The following PLEKHA6 variants were observed in gnomAD, a reference collection of about 807,000 sequenced individuals.
The protein encoded by PLEKHA6 is pleckstrin homology domain-containing family A member 6.
PLEKHA6 carries 60 observed loss-of-function variants against 116.7 expected under a neutral mutation model. The observed-to-expected ratio is 0.51, with a 90% CI of 0.42 to 0.64. The LOEUF (loss-of-function observed/expected upper bound fraction) is 0.64. PLEKHA6 is among the 30% of genes least tolerant of loss of function. The pLI, the probability that PLEKHA6 is intolerant of heterozygous loss-of-function variation, is 0.00. For missense variants in PLEKHA6, 1,338 were observed against 1,422.7 expected, an observed-to-expected ratio of 0.94 and a Z score of 0.96; for synonymous variants, 489 against 556.1, an observed-to-expected ratio of 0.88 and a Z score of 1.70.
rs1571929846 is a variant in PLEKHA6, at chr1:204,259,197, C to T, written c.1007+61G>A. On this transcript the variant is annotated intron_variant, in intron 8 of 22. Transcript: ENST00000272203. This position sits in a 1 kb window ranked among gnomAD's most constrained non-coding sequence, Gnocchi z 4.6. The stretch of plus-strand genomic sequence containing the variant: ...GGGGATGCCTCGTGGGCTATGACCC[C>T]ACTCGCACGCTCTAGCCATAATACC... 20 of 1,554,760 alleles carry T rather than the reference C, an allele frequency of 1.3e-5. No individual in the cohort carries two copies. Among genetic ancestry groups the T allele is most frequent in the Non-Finnish European group, 1.7e-5 (19 of 1,148,926 alleles).
At chr1:204,295,960 G>A (rs1043939984) in intron 1 of PLEKHA6, among the ~76,000 whole-genome samples, 4 of 152,158 alleles carry the variant, frequency 2.6e-5, no homozygotes, top group Non-Finnish European at 4.4e-5. Context: ...AACACACGTG[G>A]GAAGATGAGG....
chr1:204,331,199 C>CAAAA (rs5780231), intron 1 of PLEKHA6, among the ~76,000 whole-genome samples: 5 of 75,808 alleles, frequency 6.6e-5, no homozygotes, highest in African/African-American at 1.5e-4. Context: ...GACTCTGTCT[C>CAAAA]AAAAAAAAAA....
chr1:204,245,152 A>G (rs1237066010), intron 14 of PLEKHA6, 149 bp from the exon 15 acceptor site: 1 of 552,890 alleles, frequency 1.8e-6, no homozygotes, highest in African/African-American at 2.0e-5. Flanking sequence ...TGGGCCTGCC[A>G]AAGGGGCTCA....
intron 1 of PLEKHA6, among the ~76,000 whole-genome samples, chr1:204,344,178 G>A (rs1164929011): frequency 6.6e-6 from 1 of 152,180 alleles, no homozygotes; most frequent in South Asian, 2.1e-4. Context: ...GGGAAGAGTT[G>A]CAGAAAATAT....
chr1:204,230,559 C>T lies in PLEKHA6; in HGVS notation c.2437G>A (p.Gly813Ser). The change falls in exon 18 of 23, where the codon GGC becomes AGC. Residue 813 changes from glycine (G) to serine (S), a missense_variant. Gly to Ser is a moderately conservative substitution (Grantham distance 56, BLOSUM62 0). Transcript: ENST00000272203. The stretch of plus-strand genomic sequence containing the variant: ...ACGCTCATCTTGACCTTCCCCTCGC[C>T]AGGAAACACAGCACTCTTGGGGCGT... The part of the protein sequence containing the change: ...QERPKSAVFP[G>S]EGKVKMSVEE... 6.2e-7 allele frequency: 1 copy of T among 1,604,722 alleles called. No homozygotes were observed.
intron 3 of PLEKHA6, among the ~76,000 whole-genome samples, chr1:204,365,080 C>T (rs775890811): frequency 7.3e-5 from 11 of 151,304 alleles, no homozygotes; most frequent in Admixed American, 2.0e-4. Flanking sequence ...GAAAGGGAAG[C>T]GAATGTTGAG....
chr1:204,284,730 G>T (rs1350268146), intron 1 of PLEKHA6, among the ~76,000 whole-genome samples: 1 of 152,058 alleles, frequency 6.6e-6, no homozygotes. Flanking sequence ...CGTGTGGATT[G>T]TCCTTAAGGA....
At chr1:204,361,103 A>G (rs1572231837), upstream of PLEKHA6, among the ~76,000 whole-genome samples, 1 of 152,180 alleles carries the variant, frequency 6.6e-6, no homozygotes, top group East Asian at 1.9e-4. Context: ...ACTGAACCAG[A>G]TGAGCTTCTG....
intron 1 of PLEKHA6, among the ~76,000 whole-genome samples, chr1:204,315,735 T>C (rs1671833572): frequency 6.6e-6 from 1 of 152,158 alleles, no homozygotes; most frequent in African/African-American, 2.4e-5. Flanking sequence ...TGGATACAGA[T>C]AAAAGCAAAC....
chr1:204,244,458 C>G (rs1663351853), intron 15 of PLEKHA6, among the ~76,000 whole-genome samples: 1 of 152,086 alleles, frequency 6.6e-6, no homozygotes, highest in Non-Finnish European at 1.5e-5. Context: ...TCTAAGAGGG[C>G]CTCATGGTAC....
intron 1 of PLEKHA6, 118 bp from the exon 2 acceptor site, chr1:204,274,927 C>T (rs1367455777): frequency 1.0e-6 from 1 of 971,942 alleles, no homozygotes. Flanking sequence ...GAGCTTGTGC[C>T]TCTGTCCTCC....
At chr1:204,297,906 T>G in intron 1 of PLEKHA6, 1 of 985,172 alleles carries the variant, frequency 1.0e-6, no homozygotes, top group Non-Finnish European at 1.2e-6. Flanking sequence ...GAAGACGGCA[T>G]CTTGATCTAG....
chr1:204,255,525 A>G, intron 9 of PLEKHA6: 5 of 676,450 alleles, frequency 7.4e-6, no homozygotes, highest in Non-Finnish European at 5.4e-6. Flanking sequence ...GCTTGCACCA[A>G]CAAAGGTTGT....
intron 1 of PLEKHA6, among the ~76,000 whole-genome samples, chr1:204,372,457 G>A (rs1449398193): frequency 6.6e-6 from 1 of 152,148 alleles, no homozygotes; most frequent in East Asian, 1.9e-4. Context: ...GCTACTTCAG[G>A]TATGTGGAGG....
chr1:204,257,662 C>G lies in PLEKHA6; in HGVS notation c.1215G>C (p.Gln405His). The G allele has an allele frequency of 6.2e-7, 1 of 1,610,330 alleles. No homozygotes were observed. ...AFRNGGGPAY[Q>H]LREWKEPASY... ...TGGCGGGCTCCTTCCACTCTCGCAG[C>G]TGGTAGGCAGGGCCACCCCCATTGC... Residue 405 changes from glutamine (Q) to histidine (H), a missense_variant, in exon 9 of 23, where the codon CAG becomes CAC. By Grantham distance (24) the Gln-to-His change is conservative. Coordinates refer to ENST00000272203, the MANE Select transcript of PLEKHA6 (RefSeq NM_014935.5). The surrounding 1 kb of genome is among the most constrained non-coding windows in gnomAD (Gnocchi z 6.5).
intron 1 of PLEKHA6, among the ~76,000 whole-genome samples, chr1:204,357,539 G>A (rs1398863707): frequency 2.0e-5 from 3 of 152,210 alleles, no homozygotes; most frequent in Admixed American, 6.5e-5. Flanking sequence ...TTAAGCCCTG[G>A]CTTCCTGAGC....
At chr1:204,345,731 C>A (rs781761419) in intron 1 of PLEKHA6, among the ~76,000 whole-genome samples, 2 of 152,190 alleles carry the variant, frequency 1.3e-5, no homozygotes, top group Non-Finnish European at 2.9e-5. Flanking sequence ...CCTCTTCCCC[C>A]ACACTATGTT....
At chr1:204,260,442 C>T (rs1665958423) in intron 7 of PLEKHA6, among the ~76,000 whole-genome samples, 1 of 152,210 alleles carries the variant, frequency 6.6e-6, no homozygotes, top group Non-Finnish European at 1.5e-5. Flanking sequence ...GACTTTCTTC[C>T]CCTGTGTTCC....
chr1:204,246,589 G>C (rs187085028), intron 13 of PLEKHA6, among the ~76,000 whole-genome samples: 275 of 152,240 alleles, frequency 1.8e-3, no homozygotes, highest in Middle Eastern at 3.4e-3. Flanking sequence ...GGGAAACCAG[G>C]GTGTTAACTG....
Sources: gnomAD v4.1 joint callset for allele counts (sites outside exome capture counted in the v4.1 genomes callset) on GRCh38, gnomAD v4.1.1 for gene constraint, Gnocchi (gnomAD v3.1) non-coding constraint, MANE v1.5 for transcripts, NCBI Gene and HGNC (gene_info 2026-07-23, HGNC 2026-07-21) for gene names.